The following BAZ1B variants were observed in gnomAD, a reference collection of about 807,000 sequenced individuals.
The protein encoded by BAZ1B is tyrosine-protein kinase BAZ1B.
In BAZ1B, 22 loss-of-function variants were observed where a neutral mutation model predicts 153.8. That is an observed-to-expected ratio of 0.14 (90% CI 0.10 to 0.20). The LOEUF (loss-of-function observed/expected upper bound fraction) is 0.20, where lower values mean the gene tolerates loss of function less well. Ranked by LOEUF, BAZ1B falls within the 10% of genes least tolerant of loss-of-function variation. The pLI is 1.00. For missense variants in BAZ1B, 1,325 were observed against 1,799.3 expected (o/e 0.74, Z 4.77); for synonymous variants, 676 against 633.4 (o/e 1.07, Z -1.01).
At chr7:73,457,994 C>G (rs562511408) in intron 13 of BAZ1B, among the ~76,000 whole-genome samples, 1 of 152,132 alleles carries the variant, frequency 6.6e-6, no homozygotes, top group Non-Finnish European at 1.5e-5. Context: ...CAAAATGACC[C>G]GGTTAACCTA....
At chr7:73,451,798 C>G (rs1442588926) in intron 13 of BAZ1B, among the ~76,000 whole-genome samples, 1 of 152,266 alleles carries the variant, frequency 6.6e-6, no homozygotes, top group African/African-American at 2.4e-5. Context: ...TCCACAATCA[C>G]AGCTGCCTTG....
intron 4 of BAZ1B, among the ~76,000 whole-genome samples, chr7:73,493,696 G>T (rs1789748651): frequency 6.6e-6 from 1 of 151,772 alleles, no homozygotes; most frequent in Non-Finnish European, 1.5e-5. Context: ...CAAAAAATTA[G>T]CCAGGTGTGG....
At chr7:73,465,044 A>G (rs1788529345) in intron 11 of BAZ1B, among the ~76,000 whole-genome samples, 2 of 152,006 alleles carry the variant, frequency 1.3e-5, no homozygotes, top group African/African-American at 2.4e-5. Flanking sequence ...CTGGATATAT[A>G]CTAACTTTTA....
chr7:73,502,635 A>G (rs1790179430), intron 3 of BAZ1B, among the ~76,000 whole-genome samples: 1 of 152,038 alleles, frequency 6.6e-6, no homozygotes, highest in Admixed American at 6.6e-5. Context: ...AAAAAATACA[A>G]TTAGCCAGGC....
In BAZ1B at chr7:73,477,928, T is replaced by C; in HGVS notation, c.1533A>G (p.Arg511=). Residue 511 remains arginine (R), a synonymous_variant, in exon 7 of 20, where the codon AGA becomes AGG. Transcript: ENST00000339594. The surrounding 1 kb of genome is among the most constrained non-coding windows in gnomAD (Gnocchi z 5.6). ...TTCGCAATTCTTCTGGGAGACGAGC[T>C]CTATCTTCACTAGAGAGAAGACGAG... is the stretch of plus-strand genomic sequence containing the variant. ...KTARLLSSED[R]ARLPEELRSL... is the part of the protein sequence containing the mutation. The C allele has an allele frequency of 6.2e-7, 1 of 1,614,200 alleles. No individual in the cohort carries two copies. Among genetic ancestry groups the C allele is most frequent in the Non-Finnish European group, 8.5e-7 (1 of 1,180,038 alleles).
At position 73,521,953 on chromosome 7, in the gene BAZ1B, A is replaced by ACTGGCGGCTGCTGGGGC; in HGVS notation, c.-37_-21dup. ...CGCCATCGCGGCGGCGGCGGTGGGGACTGGCGGCTGCTGGGGCCGGCCCCG... is the reference window on the plus strand; with the variant it reads ...CGCCATCGCGGCGGCGGCGGTGGGGACTGGCGGCTGCTGGGGCCTGGCGGCTGCTGGGGCCGGCCCCG... On this transcript the variant is annotated 5_prime_UTR_variant, in exon 1 of 20. Transcript: ENST00000339594. 1 of 1,431,874 alleles carries ACTGGCGGCTGCTGGGGC rather than the reference A, an allele frequency of 7.0e-7. No individual in the cohort carries two copies. Among genetic ancestry groups the ACTGGCGGCTGCTGGGGC allele is most frequent in the East Asian group, 3.3e-5 (1 of 30,228 alleles). The allele number at this position is 1,431,874 out of a possible 1,614,324, so 88.7% of individuals were successfully genotyped here.
intron 1 of BAZ1B, among the ~76,000 whole-genome samples, chr7:73,519,502 T>TTAA (rs1216382540): frequency 6.6e-6 from 1 of 152,196 alleles, no homozygotes; most frequent in Non-Finnish European, 1.5e-5. Context: ...TTTTAAGACT[T>TTAA]CTTTTGTTAA....
chr7:73,490,435 C>A (rs1429130096), intron 5 of BAZ1B, among the ~76,000 whole-genome samples: 1 of 152,122 alleles, frequency 6.6e-6, no homozygotes, highest in Non-Finnish European at 1.5e-5. Flanking sequence ...GAGCTACCTA[C>A]CATTCACTAA....
intron 1 of BAZ1B, among the ~76,000 whole-genome samples, chr7:73,519,828 A>G (rs1350135362): frequency 6.6e-6 from 1 of 152,178 alleles, no homozygotes; most frequent in African/African-American, 2.4e-5. Flanking sequence ...GCATCCATCA[A>G]CGGCTCAAAA....
At chr7:73,458,089 G>A (rs1362142287) in intron 13 of BAZ1B, among the ~76,000 whole-genome samples, 1 of 152,174 alleles carries the variant, frequency 6.6e-6, no homozygotes, top group Non-Finnish European at 1.5e-5. Context: ...TCAATGTATA[G>A]ATGGTACAGG....
At chr7:73,483,573 C>T (rs1554574034) in intron 6 of BAZ1B, among the ~76,000 whole-genome samples, 2 of 151,828 alleles carry the variant, frequency 1.3e-5, no homozygotes, top group East Asian at 3.9e-4. Flanking sequence ...CTTCTAGCAA[C>T]CATTCCTTCA....
chr7:73,446,755 A>G (rs192510468), intron 16 of BAZ1B, among the ~76,000 whole-genome samples: 3 of 152,232 alleles, frequency 2.0e-5, no homozygotes, highest in Admixed American at 6.5e-5. Context: ...GAATCTTCCT[A>G]ACATCCTTCC....
intron 6 of BAZ1B, among the ~76,000 whole-genome samples, chr7:73,487,803 C>T (rs184198894): frequency 3.4e-4 from 52 of 152,202 alleles, no homozygotes; most frequent in African/African-American, 1.2e-3. Context: ...AAAATTTAGT[C>T]CTGATCTAGA....
chr7:73,460,981 T>C (rs1475917421), intron 12 of BAZ1B, among the ~76,000 whole-genome samples: 3 of 151,714 alleles, frequency 2.0e-5, no homozygotes, highest in African/African-American at 7.3e-5. Flanking sequence ...TTTTTTGTTG[T>C]TGTTGTTTTT....
chr7:73,445,107 C>T (rs1204248297), intron 16 of BAZ1B, among the ~76,000 whole-genome samples: 1 of 152,138 alleles, frequency 6.6e-6, no homozygotes, highest in Non-Finnish European at 1.5e-5. Flanking sequence ...ATCAAGCCAA[C>T]TGGCATTCCT....
intron 6 of BAZ1B, among the ~76,000 whole-genome samples, chr7:73,480,975 G>A (rs184924622): frequency 2.2e-4 from 34 of 151,928 alleles, no homozygotes; most frequent in African/African-American, 5.3e-4. Flanking sequence ...CTCCCAGTCC[G>A]GAGTGCAGTA....
intron 5 of BAZ1B, among the ~76,000 whole-genome samples, chr7:73,491,302 C>T (rs1554575438): frequency 2.0e-5 from 3 of 151,736 alleles, no homozygotes; most frequent in Non-Finnish European, 4.4e-5. Flanking sequence ...GACAAAAAAA[C>T]AAAACAACAA....
chr7:73,500,321 T>C (rs1790074395), intron 3 of BAZ1B, among the ~76,000 whole-genome samples: 1 of 151,892 alleles, frequency 6.6e-6, no homozygotes, highest in African/African-American at 2.4e-5. Context: ...GTGGACTGCT[T>C]GAGCCCAGGA....
chr7:73,505,871 T>G (rs1554577675), intron 3 of BAZ1B, among the ~76,000 whole-genome samples: 1 of 152,200 alleles, frequency 6.6e-6, no homozygotes, highest in African/African-American at 2.4e-5. Flanking sequence ...TTTCAGTAGC[T>G]TAAGTATCAC....
Sources: allele counts gnomAD v4.1 joint callset (sites outside exome capture counted in the v4.1 genomes callset), GRCh38; gene constraint gnomAD v4.1.1; non-coding constraint Gnocchi (gnomAD v3.1); transcripts MANE v1.5; gene names NCBI Gene and HGNC (gene_info 2026-07-23, HGNC 2026-07-21).